Variants in FGFR2 observed in about 807,000 individuals in gnomAD.
The protein encoded by FGFR2 is BEK fibroblast growth factor receptor.
In FGFR2, 19 loss-of-function variants were observed where a neutral mutation model predicts 95.9. That is an observed-to-expected ratio of 0.20 (90% confidence interval 0.14 to 0.29). The LOEUF is 0.29. FGFR2 is among the 10% of genes least tolerant of loss of function. The probability of loss-of-function intolerance (pLI) is 1.00; values close to 1 mark genes in which losing one functional copy is unlikely to be tolerated. For synonymous variants in FGFR2, 392 were observed against 393.3 expected (o/e 1.00, Z 0.04); for missense variants, 707 against 1,056.9 (o/e 0.67, Z 4.59).
chr10:121,551,923 C>T (rs1323607569), intron 4 of FGFR2, among the ~76,000 whole-genome samples: 2 of 152,032 alleles, frequency 1.3e-5, no homozygotes, highest in African/African-American at 2.4e-5. Context: ...TGGAGCCTTA[C>T]TTTAAGGGCA....
At chr10:121,551,248 CA>C in intron 5 of FGFR2, 41 bp downstream of exon 5, 1 of 1,606,894 alleles carries the variant, frequency 6.2e-7, no homozygotes, top group Non-Finnish European at 8.5e-7. Context: ...AATAAATAAA[CA>C]AAAATGTAAG....
At chr10:121,583,588 A>G (rs971046367) in intron 2 of FGFR2, 1 of 152,920 alleles carries the variant, frequency 6.5e-6, no homozygotes, top group Non-Finnish European at 1.5e-5. Flanking sequence ...GAAGAATCAC[A>G]AAGTATAATC....
rs1034796243 is a variant in FGFR2, at chr10:121,598,325, C to A, written c.-514G>T. 4 of 317,292 alleles carry A rather than the reference C, an allele frequency of 1.3e-5. No homozygotes were observed. The highest frequency in any genetic ancestry group is 2.2e-5 in the African/African-American group (1 of 45,892). The allele number at this position is 317,292 out of a possible 1,614,324, so 19.7% of individuals were successfully genotyped here. On this transcript the variant is annotated 5_prime_UTR_variant, in exon 1 of 18. Coordinates refer to ENST00000358487, the MANE Select transcript of FGFR2 (RefSeq NM_000141.5). The stretch of plus-strand genomic sequence containing the variant: ...CCCCGCCAGCCCGGAGAGCAGTCGC[C>A]GCGCCGGGCCAGGTACGCCGCATGC...
intron 13 of FGFR2, among the ~76,000 whole-genome samples, chr10:121,488,655 T>C (rs1198649885): frequency 1.3e-5 from 2 of 152,230 alleles, no homozygotes; most frequent in East Asian, 1.9e-4. Flanking sequence ...TGTATTTGTT[T>C]TGGAATTATA....
chr10:121,588,412 A>T (rs978202800), intron 2 of FGFR2, among the ~76,000 whole-genome samples: 14 of 172 alleles, frequency 0.081, no homozygotes, highest in African/African-American at 0.19. Flanking sequence ...GCTAAATTTA[A>T]AAAAAAAAAG....
chr10:121,535,789 C>T (rs1852745772), intron 6 of FGFR2, among the ~76,000 whole-genome samples: 1 of 152,160 alleles, frequency 6.6e-6, no homozygotes, highest in Admixed American at 6.5e-5. Context: ...AAAGCATTTC[C>T]CTTACACACA....
intron 5 of FGFR2, among the ~76,000 whole-genome samples, chr10:121,550,949 C>G (rs1435585254): frequency 2.0e-5 from 3 of 152,086 alleles, no homozygotes; most frequent in South Asian, 4.1e-4. Context: ...GGCTGGGCAT[C>G]GTGGCTCACA....
chr10:121,569,704 G>A (rs1403823385), intron 2 of FGFR2, among the ~76,000 whole-genome samples: 1 of 152,148 alleles, frequency 6.6e-6, no homozygotes, highest in Non-Finnish European at 1.5e-5. Flanking sequence ...ACACCAATGA[G>A]ATAATGATGT....
intron 4 of FGFR2, 74 bp downstream of exon 4, chr10:121,564,428 A>T: frequency 7.3e-7 from 1 of 1,371,746 alleles, no homozygotes; most frequent in Admixed American, 1.7e-5. Flanking sequence ...AGAGTCGACA[A>T]GAAGACAGGT....
chr10:121,573,759 G>A lies in FGFR2; in HGVS notation c.110-8055C>T, dbSNP rs574355350. 3.9e-5 allele frequency among the ~76,000 whole-genome samples: 6 copies of A among 152,214 alleles called. No homozygotes were observed. The South Asian group carries it at 6.2e-4, about 16-fold the overall frequency. On this transcript the variant is annotated intron_variant, in intron 2 of 17. Coordinates refer to ENST00000358487, the MANE Select transcript of FGFR2 (RefSeq NM_000141.5). ...GGTTGTGGGTTGCAGGAAGAAACCC[G>A]TTTGTACCTGGAGGCACAGCTGGGA...
At chr10:121,567,552 G>A (rs1029320679) in intron 2 of FGFR2, among the ~76,000 whole-genome samples, 2 of 152,200 alleles carry the variant, frequency 1.3e-5, no homozygotes, top group African/African-American at 2.4e-5. Flanking sequence ...CTTGTGGAGC[G>A]TCCATTATGG....
intron 4 of FGFR2, chr10:121,564,234 A>C (rs772485422): frequency 1.9e-5 from 10 of 516,398 alleles, no homozygotes; most frequent in Admixed American, 3.2e-5. Context: ...GTCAAAGGGA[A>C]AAGGGAAAAT....
chr10:121,592,442 C>T (rs1862794035), intron 2 of FGFR2, among the ~76,000 whole-genome samples: 1 of 152,164 alleles, frequency 6.6e-6, no homozygotes, highest in Admixed American at 6.5e-5. Context: ...TGTCACCACA[C>T]CTGTTAATTA....
rs776027741 is a variant in FGFR2 at position 121,503,746 on chromosome 10, T to C, written c.1439+44A>G. On this transcript the variant is annotated intron_variant, in intron 10 of 17. Transcript: ENST00000358487. ...AATGTTAATCCAATATCCCCATTTA[T>C]AGCTGAGTCTCCATCCTGGGACATG... 9 of 1,611,452 alleles carry C rather than the reference T, an allele frequency of 5.6e-6. No homozygotes were observed. In the Admixed American group the frequency reaches 8.3e-5, roughly 15 times the overall value.
At chr10:121,558,670 C>T (rs1484119708) in intron 4 of FGFR2, among the ~76,000 whole-genome samples, 1 of 149,870 alleles carries the variant, frequency 6.7e-6, no homozygotes, top group East Asian at 2.0e-4. Context: ...TGCAGTGGCA[C>T]AATTTCGGCT....
chr10:121,495,352 C>CAAAACAA (rs939849159), intron 13 of FGFR2, among the ~76,000 whole-genome samples: 7 of 151,982 alleles, frequency 4.6e-5, no homozygotes, highest in Non-Finnish European at 8.8e-5. Flanking sequence ...CCGTCTCTAC[C>CAAAACAA]AAAACAAAAA....
Position 121,479,490 on chromosome 10 carries a change from C to A in FGFR2, c.*367G>T. ...ACATACATCCAGCACCTATATACTG[C>A]ATTTGTGCTCTGTAAGTGTGTGCTG... On this transcript the variant is annotated 3_prime_UTR_variant, in exon 18 of 18. Coordinates refer to ENST00000358487, the MANE Select transcript of FGFR2 (RefSeq NM_000141.5). The A allele has an allele frequency of 1.1e-6, 1 of 895,578 alleles. No homozygotes were observed. The highest frequency in any genetic ancestry group is 1.8e-5 in the South Asian group (1 of 55,146). The allele number at this position is 895,578 out of a possible 1,614,324, so 55.5% of individuals were successfully genotyped here. A position where few individuals can be genotyped will look rare whatever the true frequency, so the allele number is the denominator to read the frequency against.
At chr10:121,496,447 A>G in intron 13 of FGFR2, 85 bp downstream of exon 13, 1 of 1,280,570 alleles carries the variant, frequency 7.8e-7, no homozygotes, top group Non-Finnish European at 1.1e-6. Context: ...TTGATCTAGC[A>G]AATGAGCATG....
At chr10:121,570,335 T>C (rs1299495774) in intron 2 of FGFR2, among the ~76,000 whole-genome samples, 2 of 152,202 alleles carry the variant, frequency 1.3e-5, no homozygotes, top group African/African-American at 4.8e-5. Flanking sequence ...TGTACTGACC[T>C]GGCCCCAGGC....
Sources: allele counts gnomAD v4.1 joint callset (sites outside exome capture counted in the v4.1 genomes callset), GRCh38; gene constraint gnomAD v4.1.1; transcripts MANE v1.5; gene names NCBI Gene and HGNC (gene_info 2026-07-23, HGNC 2026-07-21).